BRIP1: variants seen among roughly 807,000 people sequenced by gnomAD.
The protein encoded by BRIP1 is Fanconi anemia group J protein.
In BRIP1, 88 loss-of-function variants were observed where a neutral mutation model predicts 119.7. The ratio of observed to expected loss-of-function variants is 0.74; its 90% CI spans 0.62 to 0.88. BRIP1 has a LOEUF of 0.88. Among genes scored for constraint, BRIP1 ranks in the 40% least tolerant of loss-of-function variants. The pLI, the probability that BRIP1 is intolerant of heterozygous loss-of-function variation, is 0.00. For missense variants in BRIP1, 1,259 were observed against 1,455.4 expected, an observed-to-expected ratio of 0.87 and a Z score of 2.20; for synonymous variants, 443 against 496.5, an observed-to-expected ratio of 0.89 and a Z score of 1.43.
Position 61,751,433 on chromosome 17 carries a change from G to A in BRIP1, c.2098-6842C>T, listed in dbSNP as rs1000048666. On this transcript the variant is annotated intron_variant, in intron 14 of 19. Transcript: ENST00000259008. The surrounding 1 kb of genome is among the most constrained non-coding windows in gnomAD (Gnocchi z 6.7). ...GTGATGGTTGTACAACATCATGAAT[G>A]TACTTGATGGCACTAAGTTGTACAC... Among the ~76,000 whole-genome samples, 14 of 152,132 alleles carry A rather than the reference G, an allele frequency of 9.2e-5. No homozygotes were observed. The highest frequency in any genetic ancestry group is 3.4e-4 in the African/African-American group (14 of 41,414).
In BRIP1 at chr17:61,725,264, GTTAC is replaced by G. The variant is rs951690312; in HGVS notation, c.2380-9205_2380-9202del. On this transcript the variant is annotated intron_variant, in intron 16 of 19. Transcript: ENST00000259008. This position sits in a 1 kb window ranked among gnomAD's most constrained non-coding sequence, Gnocchi z 5.3. ...AGCACATTAGAAATGGTTTTTAGTT[GTTAC>G]TTACTTTCCCTGTTACGTTACAACT... Among the ~76,000 whole-genome samples, 3 of 152,016 alleles carry G rather than the reference GTTAC, an allele frequency of 2.0e-5. No homozygotes were observed. Among genetic ancestry groups the G allele is most frequent in the Admixed American group, 1.3e-4 (2 of 15,276 alleles).
intron 6 of BRIP1, among the ~76,000 whole-genome samples, chr17:61,826,748 A>AG (rs2078414686): frequency 6.7e-6 from 1 of 150,188 alleles, no homozygotes; most frequent in Non-Finnish European, 1.5e-5. Context: ...AAAAAAAAAA[A>AG]AAAAAAAAAC....
intron 14 of BRIP1, among the ~76,000 whole-genome samples, chr17:61,763,352 G>C (rs890773625): frequency 1.3e-5 from 2 of 152,058 alleles, no homozygotes; most frequent in African/African-American, 4.8e-5. Flanking sequence ...TATGAGAGCT[G>C]TCTATACTGT....
intron 6 of BRIP1, among the ~76,000 whole-genome samples, chr17:61,819,228 A>G (rs1336593219): frequency 6.6e-6 from 1 of 152,166 alleles, no homozygotes; most frequent in African/African-American, 2.4e-5. Flanking sequence ...ACAAGCAATA[A>G]CAAATGCTGG....
rs1401823617 is a variant in BRIP1, at chr17:61,754,802, GGA to G, written c.2098-10213_2098-10212del. 7.2e-5 allele frequency among the ~76,000 whole-genome samples: 11 copies of G among 152,064 alleles called. No individual in the cohort carries two copies. ...TTCCTCTCTATTCAGAGAGGAACAG[GGA>G]GAGAGAGCAATGAAGTTTTCTGGTG... On this transcript the variant is annotated intron_variant, in intron 14 of 19. Transcript: ENST00000259008. The surrounding 1 kb of genome is among the most constrained non-coding windows in gnomAD (Gnocchi z 4.1).
At chr17:61,711,385 C>A (rs9890202) in intron 17 of BRIP1, among the ~76,000 whole-genome samples, 4,991 of 147,798 alleles carry the variant, frequency 0.034, 310 homozygotes, top group African/African-American at 0.12. Context: ...TATTAAAATT[C>A]AAAAAAAAAA....
Position 61,793,935 on chromosome 17 carries a change from T to C in BRIP1, c.1341-206A>G, listed in dbSNP as rs2077861231. ...AACTTTATATAACTGAAAAGAAAGCTTTTATTCAGAAGAAACAAACATGCA... is the reference window on the plus strand; with the variant it reads ...AACTTTATATAACTGAAAAGAAAGCCTTTATTCAGAAGAAACAAACATGCA... On this transcript the variant is annotated intron_variant, in intron 9 of 19. Coordinates refer to ENST00000259008, the MANE Select transcript of BRIP1 (RefSeq NM_032043.3). The surrounding 1 kb of genome is among the most constrained non-coding windows in gnomAD (Gnocchi z 5.2). Among the ~76,000 whole-genome samples, 1 of 152,148 alleles carries C rather than the reference T, an allele frequency of 6.6e-6. No homozygotes were observed. The highest frequency in any genetic ancestry group is 2.4e-5 in the African/African-American group (1 of 41,450).
intron 10 of BRIP1, among the ~76,000 whole-genome samples, chr17:61,786,171 GGAA>G (rs761155670): frequency 9.2e-5 from 14 of 151,904 alleles, no homozygotes; most frequent in Non-Finnish European, 1.8e-4. Flanking sequence ...AGGAAGCAAA[GGAA>G]GAAGAGAGAG....
At chr17:61,728,099 G>A (rs2076794064) in intron 16 of BRIP1, among the ~76,000 whole-genome samples, 1 of 151,950 alleles carries the variant, frequency 6.6e-6, no homozygotes, top group African/African-American at 2.4e-5. Flanking sequence ...AAAGTGCTGG[G>A]ATTACAGGCG....
chr17:61,841,048 C>T lies in BRIP1; in HGVS notation c.627+6053G>A, dbSNP rs890296127. ...AAAGGAAAAAACTAGATCCCTCTCA[C>T]CATCTACAAAAACCAACTCAAAATA... is the stretch of plus-strand genomic sequence containing the variant. On this transcript the variant is annotated intron_variant, in intron 6 of 19. Transcript: ENST00000259008. This position sits in a 1 kb window ranked among gnomAD's most constrained non-coding sequence, Gnocchi z 4.1. Among the ~76,000 whole-genome samples, 4 of 152,160 alleles carry T rather than the reference C, an allele frequency of 2.6e-5. No individual in the cohort carries two copies. The highest frequency in any genetic ancestry group is 1.9e-4 in the East Asian group (1 of 5,194).
chr17:61,792,522 G>T (rs558007629), intron 10 of BRIP1, among the ~76,000 whole-genome samples: 1 of 152,220 alleles, frequency 6.6e-6, no homozygotes, highest in Non-Finnish European at 1.5e-5. Context: ...AAAAATACAT[G>T]GAGGAATCTT....
chr17:61,705,429 T>G lies in BRIP1; in HGVS notation c.2492+10522A>C, dbSNP rs1456258686. 6.6e-6 allele frequency among the ~76,000 whole-genome samples: 1 copy of G among 152,210 alleles called. No individual in the cohort carries two copies. Among genetic ancestry groups the G allele is most frequent in the Non-Finnish European group, 1.5e-5 (1 of 68,032 alleles). On this transcript the variant is annotated intron_variant, in intron 17 of 19. Coordinates refer to ENST00000259008, the MANE Select transcript of BRIP1 (RefSeq NM_032043.3). The surrounding 1 kb of genome is among the most constrained non-coding windows in gnomAD (Gnocchi z 5.0). ...AGCTGCATGTGTCTTTTTGGCAGAA[T>G]GATTTATTTTCCTTTGGGCATATAA...
chr17:61,861,471 C>T lies in BRIP1; in HGVS notation c.69G>A (p.Pro23=), dbSNP rs45458996. ...VKIYFPYKAY[P]SQLAMMNSIL... ...CAGAATTCATCATAGCAAGCTGTGA[C>T]GGGTAAGCTTTATAAGGAAAGTAAA... is the stretch of plus-strand genomic sequence containing the variant. Residue 23 remains proline (P), a synonymous_variant, in exon 2 of 20, where the codon CCG becomes CCA. Transcript: ENST00000259008. The surrounding 1 kb of genome is among the most constrained non-coding windows in gnomAD (Gnocchi z 4.5). The T allele has an allele frequency of 6.2e-5, 100 of 1,612,254 alleles. No homozygotes were observed. Among genetic ancestry groups the T allele is most frequent in the Non-Finnish European group, 7.8e-5 (92 of 1,178,612 alleles).
chr17:61,715,204 T>C (rs949051221), intron 17 of BRIP1, among the ~76,000 whole-genome samples: 4 of 149,668 alleles, frequency 2.7e-5, no homozygotes, highest in Non-Finnish European at 4.4e-5. Context: ...TCTAAAACAA[T>C]AATAATAATA....
Position 61,725,426 on chromosome 17 carries a change from C to T in BRIP1, c.2380-9363G>A, listed in dbSNP as rs933153912. On this transcript the variant is annotated intron_variant, in intron 16 of 19. Transcript: ENST00000259008. The surrounding 1 kb of genome is among the most constrained non-coding windows in gnomAD (Gnocchi z 5.3). ...TAGTATCGCTAATTGTCAGTGTTGA[C>T]TAAAATAACCTGGATATTTCAAATT... Among the ~76,000 whole-genome samples the T allele has an allele frequency of 6.6e-6, 1 of 152,062 alleles. No individual in the cohort carries two copies. The highest frequency in any genetic ancestry group is 2.4e-5 in the African/African-American group (1 of 41,392).
In BRIP1 at chr17:61,730,748, A is replaced by G. The variant is rs2076833638; in HGVS notation, c.2379+12265T>C. 5.3e-5 allele frequency among the ~76,000 whole-genome samples: 8 copies of G among 152,196 alleles called. No individual in the cohort carries two copies. The stretch of plus-strand genomic sequence containing the variant: ...GCTAAGGAAATACAATGACATGAGT[A>G]TTAGGAGAAAAAGGTTATCAACCGA... On this transcript the variant is annotated intron_variant, in intron 16 of 19. Coordinates refer to ENST00000259008, the MANE Select transcript of BRIP1 (RefSeq NM_032043.3). The surrounding 1 kb of genome is among the most constrained non-coding windows in gnomAD (Gnocchi z 4.3).
chr17:61,824,163 T>G lies in BRIP1; in HGVS notation c.628-15406A>C, dbSNP rs1303001666. On this transcript the variant is annotated intron_variant, in intron 6 of 19. Coordinates refer to ENST00000259008, the MANE Select transcript of BRIP1 (RefSeq NM_032043.3). The surrounding 1 kb of genome is among the most constrained non-coding windows in gnomAD (Gnocchi z 4.3). ...CACAGATTACTCTATAGAAACTATG[T>G]AAGACAAGCCAAGGGCAGAATATCT... 6.6e-6 allele frequency among the ~76,000 whole-genome samples: 1 copy of G among 152,208 alleles called. No individual in the cohort carries two copies. The highest frequency in any genetic ancestry group is 1.5e-5 in the Non-Finnish European group (1 of 68,028).
In BRIP1 at chr17:61,857,364, C is replaced by T. The variant is rs1048548868; in HGVS notation, c.206-133G>A. On this transcript the variant is annotated intron_variant, in intron 3 of 19. Coordinates refer to ENST00000259008, the MANE Select transcript of BRIP1 (RefSeq NM_032043.3). The surrounding 1 kb of genome is among the most constrained non-coding windows in gnomAD (Gnocchi z 5.1). ...TTTTAGGGCTAACACCAGGAAGGTACCTGGCAAACCTGGACAAGCTGGTCA... is the reference window on the plus strand; with the variant it reads ...TTTTAGGGCTAACACCAGGAAGGTATCTGGCAAACCTGGACAAGCTGGTCA... 6.9e-6 allele frequency: 5 copies of T among 723,246 alleles called. No homozygotes were observed. Among genetic ancestry groups the T allele is most frequent in the East Asian group, 5.5e-5 (2 of 36,544 alleles). The allele number at this position is 723,246 out of a possible 1,614,324, so 44.8% of individuals were successfully genotyped here.
intron 6 of BRIP1, among the ~76,000 whole-genome samples, chr17:61,812,892 CTATAAT>C (rs1567841677): frequency 2.6e-5 from 4 of 152,090 alleles, no homozygotes; most frequent in East Asian, 1.9e-4. Context: ...CTTTCACAAG[CTATAAT>C]TATAAGTTCA....
Sources: allele counts gnomAD v4.1 joint callset (sites outside exome capture counted in the v4.1 genomes callset), GRCh38; gene constraint gnomAD v4.1.1; non-coding constraint Gnocchi (gnomAD v3.1); transcripts MANE v1.5; gene names NCBI Gene and HGNC (gene_info 2026-07-23, HGNC 2026-07-21).